HYCC1: variants seen among roughly 807,000 people sequenced by gnomAD.
HYCC1 encodes hyccin PI4KA lipid kinase complex subunit 1.
the HYCC1 span, among the ~76,000 whole-genome samples, chr7:22,931,639 T>C: frequency 1.3e-5 from 2 of 152,136 alleles, no homozygotes; most frequent in Non-Finnish European, 2.9e-5. Flanking sequence ...AAGAAGAGAA[T>C]AGTAGAGTTT....
the HYCC1 span, among the ~76,000 whole-genome samples, chr7:22,930,773 G>C: frequency 6.6e-6 from 1 of 151,984 alleles, no homozygotes; most frequent in African/African-American, 2.4e-5. Flanking sequence ...ATGGTGTAAA[G>C]AATTTTACAC....
chr7:22,930,023 T>C, the HYCC1 span, among the ~76,000 whole-genome samples: 1 of 151,866 alleles, frequency 6.6e-6, no homozygotes. Context: ...TAAAAAATGA[T>C]GAGTTCATGT....
chr7:22,941,346 C>T, the HYCC1 span: 1 of 151,874 alleles, frequency 6.6e-6, no homozygotes, highest in Non-Finnish European at 1.5e-5. Flanking sequence ...CACAAATATA[C>T]AAAAATTCAA....
chr7:22,910,690 G>A, the HYCC1 span, among the ~76,000 whole-genome samples: 10 of 152,000 alleles, frequency 6.6e-5, no homozygotes, highest in Non-Finnish European at 1.0e-4. Context: ...TCTAAAATGG[G>A]CAAATTTTCA....
chr7:23,003,205 C>T, the HYCC1 span, among the ~76,000 whole-genome samples: 1 of 151,258 alleles, frequency 6.6e-6, no homozygotes, highest in Non-Finnish European at 1.5e-5. Context: ...CAGCCTGGCT[C>T]TTTTTTTTTC....
chr7:22,983,838 C>T, the HYCC1 span: 14 of 723,034 alleles, frequency 1.9e-5, no homozygotes, highest in African/African-American at 5.3e-5. Context: ...CAGTATTGTT[C>T]TTTAAACATA....
At chr7:22,999,349 G>A in the HYCC1 span, among the ~76,000 whole-genome samples, 2 of 152,138 alleles carry the variant, frequency 1.3e-5, no homozygotes, top group Non-Finnish European at 2.9e-5. Flanking sequence ...AGTGATTCAA[G>A]TATTACCTCA....
the HYCC1 span, chr7:22,940,236 GTTTTTTTTTTTTTTTTTTTT>G: frequency 1.1e-5 from 1 of 87,174 alleles, no homozygotes; most frequent in Non-Finnish European, 2.0e-5. Context: ...AATAGGTTCT[GTTTTTTTTTTTTTTTTTTTT>G]TTTTTTTTTT....
the HYCC1 span, chr7:22,934,649 A>T: frequency 6.6e-6 from 1 of 152,278 alleles, no homozygotes; most frequent in Non-Finnish European, 1.5e-5. Context: ...AGTACTACAA[A>T]GCAAATCAGC....
At chr7:23,014,052 G>A in the HYCC1 span, 27 of 470,818 alleles carry the variant, frequency 5.7e-5, no homozygotes, top group Non-Finnish European at 8.8e-5. Flanking sequence ...AGCAGAACGG[G>A]TCCCGGTGAG....
At chr7:22,899,487 C>T in the HYCC1 span, among the ~76,000 whole-genome samples, 16 of 152,142 alleles carry the variant, frequency 1.1e-4, no homozygotes, top group African/African-American at 3.9e-4. Context: ...TCCCTCTGCA[C>T]ACACAAGTTG....
At chr7:22,904,991 G>A in the HYCC1 span, among the ~76,000 whole-genome samples, 2 of 152,072 alleles carry the variant, frequency 1.3e-5, no homozygotes, top group South Asian at 2.1e-4. Context: ...GGTTACAATC[G>A]TGGTAGAAGG....
At chr7:22,964,728 C>T in the HYCC1 span, among the ~76,000 whole-genome samples, 4 of 152,126 alleles carry the variant, frequency 2.6e-5, no homozygotes, top group Non-Finnish European at 5.9e-5. Context: ...ACATATAAAG[C>T]TGAGGTATGT....
chr7:22,937,592 G>A, the HYCC1 span: 1 of 152,088 alleles, frequency 6.6e-6, no homozygotes, highest in Non-Finnish European at 1.5e-5. Context: ...AGAATAAAAG[G>A]AGTTTCAAAG....
chr7:22,989,416 T>C, the HYCC1 span, among the ~76,000 whole-genome samples: 4 of 152,180 alleles, frequency 2.6e-5, no homozygotes, highest in Non-Finnish European at 5.9e-5. Context: ...GGTGCCACCA[T>C]AGCTCACTGC....
the HYCC1 span, among the ~76,000 whole-genome samples, chr7:22,930,190 T>A: frequency 1.4e-5 from 1 of 71,678 alleles, no homozygotes; most frequent in Non-Finnish European, 2.5e-5. Context: ...CGGGGACTGT[T>A]GTGGGGTGGG....
chr7:22,919,196 T>C, the HYCC1 span, among the ~76,000 whole-genome samples: 1 of 152,190 alleles, frequency 6.6e-6, no homozygotes, highest in South Asian at 2.1e-4. Context: ...AGCCATTATA[T>C]ACGTACAAAG....
the HYCC1 span, chr7:22,976,954 A>C: frequency 4.8e-6 from 3 of 625,306 alleles, no homozygotes; most frequent in Non-Finnish European, 8.5e-6. Flanking sequence ...TTTCTGCTCG[A>C]AGATTTAATA....
At chr7:22,924,323 C>T in the HYCC1 span, among the ~76,000 whole-genome samples, 3 of 152,062 alleles carry the variant, frequency 2.0e-5, 1 homozygote, top group South Asian at 4.1e-4. Flanking sequence ...TGGGGAGTGC[C>T]GGACAGTGGG....
Sources: allele counts gnomAD v4.1 joint callset (sites outside exome capture counted in the v4.1 genomes callset), GRCh38; gene constraint gnomAD v4.1.1; transcripts MANE v1.5; gene names NCBI Gene and HGNC (gene_info 2026-07-23, HGNC 2026-07-21).